Variants in RNF13 observed in about 807,000 individuals in gnomAD.
RNF13 encodes the protein E3 ubiquitin-protein ligase RNF13.
Under a neutral mutation model 37.7 loss-of-function variants are expected in RNF13, and 19 were observed. The ratio of observed to expected loss-of-function variants is 0.50; its 90% CI spans 0.35 to 0.74. The LOEUF is 0.74. Ranked by LOEUF, RNF13 falls within the 30% of genes least tolerant of loss-of-function variation. The pLI, the probability that RNF13 is intolerant of heterozygous loss-of-function variation, is 0.01. For synonymous variants in RNF13, 144 were observed against 157.8 expected, an observed-to-expected ratio of 0.91 and a Z score of 0.65; for missense variants, 375 against 453.0, an observed-to-expected ratio of 0.83 and a Z score of 1.56.
chr3:149,848,434 A>C (rs189545471), intron 2 of RNF13, among the ~76,000 whole-genome samples: 1 of 152,332 alleles, frequency 6.6e-6, no homozygotes, highest in Admixed American at 6.5e-5. Flanking sequence ...TAAAACAGGG[A>C]ACTAAAAATT....
rs1359910455 is a variant in RNF13, at chr3:149,939,107, T to C, written c.700+17880T>C. On this transcript the variant is annotated intron_variant, in intron 8 of 9. Transcript: ENST00000392894. ...TTTTAATGTCTTCTACAGAACTAGG[T>C]CCTTTTCGTGTTTTAGGAGTTTTTT... The C allele has an allele frequency of 7.8e-6, 4 of 515,188 alleles. No homozygotes were observed. The East Asian group carries it at 1.9e-4, about 25-fold the overall frequency. The allele number at this position is 515,188 out of a possible 1,614,324, so 31.9% of individuals were successfully genotyped here. A position where few individuals can be genotyped will look rare whatever the true frequency, so the allele number is the denominator to read the frequency against.
intron 4 of RNF13, among the ~76,000 whole-genome samples, chr3:149,893,304 A>G (rs1170871415): frequency 6.6e-6 from 1 of 152,192 alleles, no homozygotes; most frequent in Non-Finnish European, 1.5e-5. Flanking sequence ...AAATTATGTA[A>G]TTTCAATGAC....
At chr3:149,827,557 A>G (rs1217978722) in intron 1 of RNF13, among the ~76,000 whole-genome samples, 1 of 152,156 alleles carries the variant, frequency 6.6e-6, no homozygotes, top group Non-Finnish European at 1.5e-5. Context: ...GGCACTCTTT[A>G]GGTACTTGTG....
intron 6 of RNF13, among the ~76,000 whole-genome samples, chr3:149,905,026 C>T (rs546252404): frequency 1.6e-4 from 24 of 152,200 alleles, no homozygotes; most frequent in South Asian, 4.1e-4. Context: ...GAATCGGTTA[C>T]GTTATTTTGT....
chr3:149,919,129 A>G (rs903203218), intron 7 of RNF13, among the ~76,000 whole-genome samples: 31 of 152,184 alleles, frequency 2.0e-4, no homozygotes, highest in African/African-American at 7.5e-4. Flanking sequence ...AGTGGTTACC[A>G]TTAAACTTTA....
chr3:149,932,108 A>G (rs541454024), intron 8 of RNF13, among the ~76,000 whole-genome samples: 8 of 152,108 alleles, frequency 5.3e-5, no homozygotes, highest in Admixed American at 1.3e-4. Flanking sequence ...GGTTGATTCC[A>G]TATCTTGGCT....
At chr3:149,901,457 G>A (rs1029889940) in intron 5 of RNF13, among the ~76,000 whole-genome samples, 1 of 151,992 alleles carries the variant, frequency 6.6e-6, no homozygotes, top group African/African-American at 2.4e-5. Context: ...TTGAATATGG[G>A]TAGAAGAGTC....
intron 3 of RNF13, 127 bp from the exon 4 acceptor site, chr3:149,871,902 T>G (rs749607304): frequency 1.6e-5 from 10 of 625,860 alleles, no homozygotes; most frequent in Non-Finnish European, 2.4e-5. Flanking sequence ...TGTGAGCAAT[T>G]TTACATGCCC....
In RNF13 at chr3:149,852,529, A is replaced by T; in HGVS notation, c.128A>T (p.Asn43Ile). 6.5e-7 allele frequency: 1 copy of T among 1,538,898 alleles called. No individual in the cohort carries two copies. Among genetic ancestry groups the T allele is most frequent in the South Asian group, 1.3e-5 (1 of 79,226 alleles). ...TTTTATTTTTAGTATAACTTTGAAA[A>T]TGCATCTCAGACATTTGATGACCTC... ...EADILAYNFENASQTFDDLPA... is the reference protein window; with the variant it reads ...EADILAYNFEIASQTFDDLPA... Residue 43 changes from asparagine to isoleucine, a missense_variant, in exon 3 of 10, where the codon AAT becomes ATT. Asn to Ile is a moderately radical substitution (Grantham distance 149, BLOSUM62 -3). Transcript: ENST00000392894.
rs1472114416 is a variant in RNF13 at position 149,961,710 on chromosome 3, A to G, written c.*606A>G. On this transcript the variant is annotated 3_prime_UTR_variant, in exon 10 of 10. Coordinates refer to ENST00000392894, the MANE Select transcript of RNF13 (RefSeq NM_183381.3). ...TTTTTTTTAACGTTTTAATTACTAT[A>G]GTGTTATGTAGAGATTTGATTGAGC... 6.2e-6 allele frequency: 1 copy of G among 161,330 alleles called. No homozygotes were observed. Among genetic ancestry groups the G allele is most frequent in the African/African-American group, 2.4e-5 (1 of 41,528 alleles). The allele number at this position is 161,330 out of a possible 1,614,324, so 10.0% of individuals were successfully genotyped here. A position where few individuals can be genotyped will look rare whatever the true frequency, so the allele number is the denominator to read the frequency against.
intron 4 of RNF13, among the ~76,000 whole-genome samples, chr3:149,884,935 C>T (rs752482157): frequency 2.6e-5 from 4 of 151,692 alleles, no homozygotes; most frequent in Non-Finnish European, 5.9e-5. Flanking sequence ...TCCATGAGTT[C>T]AATTGTTTTG....
At chr3:149,948,412 G>C (rs1330697333) in intron 8 of RNF13, among the ~76,000 whole-genome samples, 1 of 152,068 alleles carries the variant, frequency 6.6e-6, no homozygotes, top group Non-Finnish European at 1.5e-5. Context: ...TTTTTTGTCT[G>C]TCTTACCGCT....
At chr3:149,938,166 AT>A (rs1265445402) in intron 8 of RNF13, among the ~76,000 whole-genome samples, 1 of 151,088 alleles carries the variant, frequency 6.6e-6, no homozygotes, top group Non-Finnish European at 1.5e-5. Context: ...TATATATATA[AT>A]TTTTTAAAAT....
chr3:149,823,269 CTA>C (rs1432872390), intron 1 of RNF13, among the ~76,000 whole-genome samples: 1 of 152,042 alleles, frequency 6.6e-6, no homozygotes, highest in Non-Finnish European at 1.5e-5. Flanking sequence ...GTGGAACCTA[CTA>C]TAGAGTTGTG....
intron 8 of RNF13, among the ~76,000 whole-genome samples, chr3:149,947,760 T>C (rs1470395787): frequency 1.3e-5 from 2 of 152,206 alleles, no homozygotes; most frequent in African/African-American, 4.8e-5. Flanking sequence ...GTTAGATGTG[T>C]ATATATTTAT....
chr3:149,906,295 C>G (rs568549668), intron 6 of RNF13, among the ~76,000 whole-genome samples: 1 of 151,666 alleles, frequency 6.6e-6, no homozygotes, highest in Admixed American at 6.6e-5. Flanking sequence ...TTTTTTTTCA[C>G]TATTTGTGTA....
intron 4 of RNF13, among the ~76,000 whole-genome samples, chr3:149,887,475 A>G (rs1222332690): frequency 2.6e-5 from 4 of 152,034 alleles, no homozygotes; most frequent in African/African-American, 9.7e-5. Context: ...TTATTTTTAA[A>G]TTTTTTGTAG....
intron 8 of RNF13, among the ~76,000 whole-genome samples, chr3:149,936,416 C>G (rs1719680725): frequency 6.6e-6 from 1 of 151,860 alleles, no homozygotes; most frequent in South Asian, 2.1e-4. Flanking sequence ...TGTGTTCTTC[C>G]TTTTTACTCT....
At chr3:149,913,467 A>G (rs901069335) in intron 7 of RNF13, among the ~76,000 whole-genome samples, 2 of 152,194 alleles carry the variant, frequency 1.3e-5, no homozygotes, top group African/African-American at 4.8e-5. Flanking sequence ...CTTTTGTCAA[A>G]ACTAAGAAAC....
Sources: allele counts gnomAD v4.1 joint callset (sites outside exome capture counted in the v4.1 genomes callset), GRCh38; gene constraint gnomAD v4.1.1; transcripts MANE v1.5; gene names NCBI Gene and HGNC (gene_info 2026-07-23, HGNC 2026-07-21).